Variants in AGBL1 observed in about 807,000 individuals in gnomAD.
AGBL1 encodes the protein AGBL carboxypeptidase 1, also known as cytosolic carboxypeptidase 4.
In AGBL1, 130 loss-of-function variants were observed where a neutral mutation model predicts 118.9. The observed-to-expected ratio is 1.09, with a 90% CI of 0.95 to 1.26. AGBL1 has a LOEUF of 1.26. Among genes scored for constraint, AGBL1 ranks in the 50% most tolerant of loss-of-function variants. AGBL1 has a pLI of 0.00. For synonymous variants in AGBL1, 555 were observed against 478.9 expected, an observed-to-expected ratio of 1.16 and a Z score of -2.08; for missense variants, 1,584 against 1,298.1, an observed-to-expected ratio of 1.22 and a Z score of -3.38.
chr15:86,870,008 A>G (rs958872195), intron 22 of AGBL1, among the ~76,000 whole-genome samples: 1 of 152,118 alleles, frequency 6.6e-6, no homozygotes, highest in Non-Finnish European at 1.5e-5. Flanking sequence ...CATTGCATCA[A>G]AGTCATATCT....
intron 6 of AGBL1, among the ~76,000 whole-genome samples, chr15:86,227,624 G>A (rs900643628): frequency 6.6e-6 from 1 of 152,242 alleles, no homozygotes; most frequent in Non-Finnish European, 1.5e-5. Context: ...TCACTGATGT[G>A]TATGTATTTG....
intron 21 of AGBL1, among the ~76,000 whole-genome samples, chr15:86,639,653 T>C (rs1206850134): frequency 1.3e-5 from 2 of 152,164 alleles, no homozygotes; most frequent in Non-Finnish European, 1.5e-5. Context: ...TCTTGTCCTT[T>C]CTTCCATCTC....
chr15:86,641,746 G>C (rs574999909), intron 21 of AGBL1, among the ~76,000 whole-genome samples: 2 of 151,836 alleles, frequency 1.3e-5, no homozygotes, highest in Non-Finnish European at 2.9e-5. Context: ...GTGAGACTCC[G>C]TTTCTGAATT....
At chr15:86,955,779 A>C (rs1008806920) in intron 23 of AGBL1, among the ~76,000 whole-genome samples, 9 of 152,082 alleles carry the variant, frequency 5.9e-5, no homozygotes, top group Admixed American at 3.9e-4. Context: ...ACTAGACTCG[A>C]TTTTTAGTAT....
In AGBL1 at chr15:86,908,157, T is replaced by C. The variant is rs1361179241; in HGVS notation, c.*863T>C. 6.6e-6 allele frequency: 1 copy of C among 152,250 alleles called. No individual in the cohort carries two copies. The highest frequency in any genetic ancestry group is 1.5e-5 in the Non-Finnish European group (1 of 68,050). 9.4% of individuals were successfully genotyped at this position (152,250 alleles called of 1,614,324 possible). On this transcript the variant is annotated 3_prime_UTR_variant, in exon 23 of 23. Coordinates refer to ENST00000614907, the MANE Select transcript of AGBL1 (RefSeq NM_001386094.1). ...TATAAAATGTGGATAAGTATATCTA[T>C]ATCATAAAATTATTGTAGGATGAAA...
At chr15:86,232,490 G>A (rs2078472098) in intron 6 of AGBL1, among the ~76,000 whole-genome samples, 2 of 152,182 alleles carry the variant, frequency 1.3e-5, no homozygotes, top group South Asian at 2.1e-4. Flanking sequence ...AGCAGCTTGC[G>A]TGTCTTGAAG....
At chr15:86,430,698 A>G (rs1309015393) in intron 18 of AGBL1, among the ~76,000 whole-genome samples, 1 of 152,146 alleles carries the variant, frequency 6.6e-6, no homozygotes, top group Non-Finnish European at 1.5e-5. Flanking sequence ...AAGAAAAGGC[A>G]CGCTGAGAAT....
chr15:86,466,471 C>A (rs1307654805), intron 18 of AGBL1, among the ~76,000 whole-genome samples: 2 of 152,032 alleles, frequency 1.3e-5, no homozygotes, highest in African/African-American at 4.8e-5. Flanking sequence ...TTGTTATTAC[C>A]CACCTTCTGA....
intron 18 of AGBL1, among the ~76,000 whole-genome samples, chr15:86,465,109 G>T (rs1419216089): frequency 6.6e-6 from 1 of 152,074 alleles, no homozygotes; most frequent in Admixed American, 6.6e-5. Flanking sequence ...TGAAGCCATG[G>T]CAGAACATCA....
intron 19 of AGBL1, among the ~76,000 whole-genome samples, chr15:86,534,718 C>G (rs1383187923): frequency 1.3e-5 from 2 of 152,120 alleles, no homozygotes; most frequent in African/African-American, 2.4e-5. Context: ...AAAAAATGAA[C>G]TATGATATAG....
intron 5 of AGBL1, among the ~76,000 whole-genome samples, chr15:86,169,802 T>G (rs1442596472): frequency 6.6e-6 from 1 of 152,190 alleles, no homozygotes; most frequent in African/African-American, 2.4e-5. Context: ...AGCTGACTGT[T>G]GTTACCTCTA....
At chr15:86,266,918 A>G (rs1331291843) in intron 12 of AGBL1, 72 bp from the exon 13 acceptor site, 1 of 1,256,562 alleles carries the variant, frequency 8.0e-7, no homozygotes, top group East Asian at 2.6e-5. Flanking sequence ...AATAATGAAA[A>G]AAAGAATCAT....
At chr15:86,144,785 A>C (rs1452035037) in intron 3 of AGBL1, among the ~76,000 whole-genome samples, 1 of 152,210 alleles carries the variant, frequency 6.6e-6, no homozygotes, top group Non-Finnish European at 1.5e-5. Context: ...CCTATGTAAC[A>C]AACCTGCACA....
chr15:86,572,782 G>A (rs2084029438), intron 21 of AGBL1, among the ~76,000 whole-genome samples: 1 of 152,206 alleles, frequency 6.6e-6, no homozygotes, highest in African/African-American at 2.4e-5. Context: ...GATGGCAGTG[G>A]CTGCTCTGGA....
chr15:87,024,015 C>T (rs1346886749), intron 24 of AGBL1, among the ~76,000 whole-genome samples: 2 of 152,006 alleles, frequency 1.3e-5, no homozygotes, highest in East Asian at 3.9e-4. Flanking sequence ...GCACTAAATA[C>T]CTACATCAAA....
chr15:86,905,911 C>T (rs968673002), intron 22 of AGBL1, among the ~76,000 whole-genome samples: 2 of 152,184 alleles, frequency 1.3e-5, no homozygotes, highest in Non-Finnish European at 2.9e-5. Context: ...GCTGTAGAAA[C>T]AAGTTTCATA....
chr15:86,216,822 A>G (rs918489334), intron 5 of AGBL1, among the ~76,000 whole-genome samples: 3 of 152,182 alleles, frequency 2.0e-5, no homozygotes, highest in African/African-American at 4.8e-5. Context: ...AAGCCCTTAT[A>G]GTACCTACCT....
intron 22 of AGBL1, among the ~76,000 whole-genome samples, chr15:86,700,980 C>T (rs914118328): frequency 4.6e-5 from 7 of 152,078 alleles, no homozygotes; most frequent in African/African-American, 9.7e-5. Flanking sequence ...CCTCCCCAGT[C>T]GTGCTGAGGG....
At chr15:86,525,159 A>G (rs1396355380) in intron 19 of AGBL1, among the ~76,000 whole-genome samples, 1 of 149,402 alleles carries the variant, frequency 6.7e-6, no homozygotes, top group Non-Finnish European at 1.5e-5. Context: ...AATAGCTACA[A>G]AAAAAAAATA....
Sources: gnomAD v4.1 joint callset for allele counts (sites outside exome capture counted in the v4.1 genomes callset) on GRCh38, gnomAD v4.1.1 for gene constraint, MANE v1.5 for transcripts, NCBI Gene and HGNC (gene_info 2026-07-23, HGNC 2026-07-21) for gene names.